STK38L: variants seen among roughly 807,000 people sequenced by gnomAD.
STK38L encodes serine/threonine-protein kinase 38-like.
STK38L carries 28 observed loss-of-function variants against 59.7 expected under a neutral mutation model. The ratio of observed to expected loss-of-function variants is 0.47; its 90% CI spans 0.35 to 0.64. STK38L has a LOEUF of 0.64. STK38L is among the 30% of genes least tolerant of loss of function. STK38L has a pLI of 0.01. For missense variants in STK38L, 314 were observed against 555.8 expected (o/e 0.56, Z 4.37); for synonymous variants, 162 against 176.8 (o/e 0.92, Z 0.66).
chr12:27,308,274 A>G lies in STK38L; in HGVS notation c.187-65A>G, dbSNP rs1427645085. On this transcript the variant is annotated intron_variant, in intron 3 of 13. Transcript: ENST00000389032. This position sits in a 1 kb window ranked among gnomAD's most constrained non-coding sequence, Gnocchi z 4.5. ...ATTTTTACGTGTATCATCTTTTAAT[A>G]CTAGAAGCTCCATCAAAACAACCTA... The G allele has an allele frequency of 1.4e-6, 2 of 1,384,966 alleles. No individual in the cohort carries two copies. The highest frequency in any genetic ancestry group is 1.9e-6 in the Non-Finnish European group (2 of 1,044,672). 85.8% of individuals were successfully genotyped at this position (1,384,966 alleles called of 1,614,324 possible).
At chr12:27,302,662 T>G (rs1373483166) in intron 3 of STK38L, among the ~76,000 whole-genome samples, 1 of 152,140 alleles carries the variant, frequency 6.6e-6, no homozygotes, top group Non-Finnish European at 1.5e-5. Context: ...TTGATCATCT[T>G]ACTCTTTTGC....
At chr12:27,299,632 A>C (rs893532077) in intron 2 of STK38L, among the ~76,000 whole-genome samples, 1 of 152,176 alleles carries the variant, frequency 6.6e-6, no homozygotes, top group African/African-American at 2.4e-5. Context: ...TTCAGGAAAG[A>C]AGTAATTAGA....
At chr12:27,257,587 C>T (rs1418100451) in intron 1 of STK38L, among the ~76,000 whole-genome samples, 1 of 152,184 alleles carries the variant, frequency 6.6e-6, no homozygotes, top group East Asian at 1.9e-4. Context: ...ACAGTGATGG[C>T]TAAATTCCAT....
At position 27,299,713 on chromosome 12, in the gene STK38L, G is replaced by T. The variant is rs190603962; in HGVS notation, c.134+1859G>T. 3.3e-5 allele frequency among the ~76,000 whole-genome samples: 5 copies of T among 152,082 alleles called. No homozygotes were observed. The East Asian group carries it at 9.7e-4, about 29-fold the overall frequency. On this transcript the variant is annotated intron_variant, in intron 2 of 13. Transcript: ENST00000389032. ...GCTTCAGAGTTTGACAAATTATGTT[G>T]TAAGTTCTAGAGTAACCATAAAATG... is the stretch of plus-strand genomic sequence containing the variant.
chr12:27,261,486 A>G (rs1460760122), intron 1 of STK38L, among the ~76,000 whole-genome samples: 1 of 152,160 alleles, frequency 6.6e-6, no homozygotes, highest in African/African-American at 2.4e-5. Context: ...CTTTGTTGCT[A>G]ACACCTTTCC....
At chr12:27,297,936 A>G in intron 2 of STK38L, 82 bp downstream of exon 2, 1 of 1,512,676 alleles carries the variant, frequency 6.6e-7, no homozygotes. Context: ...TTTACCATGA[A>G]TGATATGAAT....
chr12:27,269,300 AGG>A, intron 1 of STK38L, among the ~76,000 whole-genome samples: 1 of 152,318 alleles, frequency 6.6e-6, no homozygotes, highest in African/African-American at 2.4e-5. Flanking sequence ...TTTTTGTATA[AGG>A]TGTAAGGAAG....
chr12:27,303,012 T>TAA (rs33949589), intron 3 of STK38L, among the ~76,000 whole-genome samples: 5 of 119,808 alleles, frequency 4.2e-5, no homozygotes, highest in African/African-American at 9.5e-5. Context: ...GACTCCGTCT[T>TAA]AAAAAAAAAA....
Position 27,325,739 on chromosome 12 carries a change from G to T in STK38L, c.*3284G>T. 6.6e-6 allele frequency: 1 copy of T among 151,944 alleles called. No individual in the cohort carries two copies. Among genetic ancestry groups the T allele is most frequent in the Non-Finnish European group, 1.5e-5 (1 of 67,918 alleles). The allele number at this position is 151,944 out of a possible 1,614,324, so 9.4% of individuals were successfully genotyped here. On this transcript the variant is annotated 3_prime_UTR_variant, in exon 14 of 14. Coordinates refer to ENST00000389032, the MANE Select transcript of STK38L (RefSeq NM_015000.4). ...TACTAGAGATATTTTAGATTTTTAT[G>T]AAAAAAATGTGAGGGGATATTGCTG...
chr12:27,306,713 A>AT (rs1473385355), intron 3 of STK38L, among the ~76,000 whole-genome samples: 1 of 106,910 alleles, frequency 9.4e-6, no homozygotes, highest in Non-Finnish European at 1.9e-5. Context: ...GGAATTTTAT[A>AT]AACACACACA....
intron 6 of STK38L, among the ~76,000 whole-genome samples, chr12:27,313,917 A>G (rs1944521104): frequency 6.6e-6 from 1 of 151,998 alleles, no homozygotes; most frequent in African/African-American, 2.4e-5. Flanking sequence ...GCAGTTTGAC[A>G]TTTTCCTCAG....
intron 1 of STK38L, among the ~76,000 whole-genome samples, chr12:27,275,512 G>C (rs1943516088): frequency 6.6e-6 from 1 of 151,532 alleles, no homozygotes; most frequent in Non-Finnish European, 1.5e-5. Context: ...TAATTTTTTA[G>C]TATTTTAAGT....
chr12:27,244,500 G>A (rs1942806316), intron 1 of STK38L, among the ~76,000 whole-genome samples, 168 bp downstream of exon 1: 1 of 152,202 alleles, frequency 6.6e-6, no homozygotes, highest in Admixed American at 6.5e-5. Flanking sequence ...GACGGCCTTG[G>A]CCCTCTTATT....
At position 27,325,926 on chromosome 12, in the gene STK38L, A is replaced by C. The variant is rs1944826055; in HGVS notation, c.*3471A>C. 1 of 152,188 alleles carries C rather than the reference A, an allele frequency of 6.6e-6. No individual in the cohort carries two copies. The highest frequency in any genetic ancestry group is 1.5e-5 in the Non-Finnish European group (1 of 68,030). 9.4% of individuals were successfully genotyped at this position (152,188 alleles called of 1,614,324 possible). On this transcript the variant is annotated 3_prime_UTR_variant, in exon 14 of 14. Transcript: ENST00000389032. ...TGGCATGAGGACAAAATTTCATTGA[A>C]GGTAAGATAAGAATAAAAACTATGT...
chr12:27,317,873 TTTTTGATTTA>T lies in STK38L; in HGVS notation c.956-19_956-10del. On this transcript the variant is annotated splice_polypyrimidine_tract_variant and intron_variant, in intron 10 of 13. Transcript: ENST00000389032. ...CACTGCTCACAAAGCTGATGAAACA[TTTTTGATTTA>T]TTTGATACATAGGATATCCACCTTT... 6.2e-7 allele frequency: 1 copy of T among 1,611,360 alleles called. No homozygotes were observed. The highest frequency in any genetic ancestry group is 8.5e-7 in the Non-Finnish European group (1 of 1,179,214).
intron 11 of STK38L, 87 bp downstream of exon 11, chr12:27,318,106 A>AG: frequency 1.3e-6 from 2 of 1,498,598 alleles, no homozygotes; most frequent in South Asian, 2.4e-5. Context: ...GTGGGGGAAG[A>AG]GGGGATACCA....
At chr12:27,305,023 T>C (rs1334264441) in intron 3 of STK38L, among the ~76,000 whole-genome samples, 1 of 152,132 alleles carries the variant, frequency 6.6e-6, no homozygotes, top group East Asian at 1.9e-4. Flanking sequence ...GTAATAAGAG[T>C]CCCAGCCCAT....
intron 1 of STK38L, among the ~76,000 whole-genome samples, chr12:27,256,352 C>CCCCT (rs1442053481): frequency 6.6e-6 from 1 of 152,190 alleles, no homozygotes; most frequent in African/African-American, 2.4e-5. Flanking sequence ...TTCCATCACT[C>CCCCT]CCCTACTCAC....
chr12:27,312,813 ATT>A (rs1591936510), intron 6 of STK38L, 141 bp downstream of exon 6: 18 of 960,638 alleles, frequency 1.9e-5, no homozygotes, highest in Non-Finnish European at 2.6e-5. Flanking sequence ...TTACTACCAT[ATT>A]GATGCTCATT....
Sources: gnomAD v4.1 joint callset for allele counts (sites outside exome capture counted in the v4.1 genomes callset) on GRCh38, gnomAD v4.1.1 for gene constraint, Gnocchi (gnomAD v3.1) non-coding constraint, MANE v1.5 for transcripts, NCBI Gene and HGNC (gene_info 2026-07-23, HGNC 2026-07-21) for gene names.